Variants in TMEFF2 observed in about 807,000 individuals in gnomAD.
TMEFF2 encodes tomoregulin-2.
TMEFF2 carries 28 observed loss-of-function variants against 53.8 expected under a neutral mutation model. The ratio of observed to expected loss-of-function variants is 0.52; its 90% CI spans 0.39 to 0.71. The LOEUF (loss-of-function observed/expected upper bound fraction) is 0.71. Among genes scored for constraint, TMEFF2 ranks in the 30% least tolerant of loss-of-function variants. The pLI is 0.00. For synonymous variants in TMEFF2, 162 were observed against 166.3 expected, an observed-to-expected ratio of 0.97 and a Z score of 0.20; for missense variants, 353 against 455.2, an observed-to-expected ratio of 0.78 and a Z score of 2.04.
intron 5 of TMEFF2, among the ~76,000 whole-genome samples, chr2:192,055,092 C>T (rs781593380): frequency 6.6e-6 from 1 of 151,902 alleles, no homozygotes; most frequent in Non-Finnish European, 1.5e-5. Flanking sequence ...AAAAGTGAAA[C>T]AATTTATAAG....
intron 7 of TMEFF2, among the ~76,000 whole-genome samples, chr2:191,962,545 A>C (rs1692303649): frequency 6.6e-6 from 1 of 152,234 alleles, no homozygotes; most frequent in Non-Finnish European, 1.5e-5. Flanking sequence ...ATGCAACAAT[A>C]GTGGATGATT....
At position 192,193,757 on chromosome 2, in the gene TMEFF2, TAGATAGAGAGAGAGAGAGAGAG is replaced by T. The variant is rs1691525063; in HGVS notation, c.172+574_172+595del. Among the ~76,000 whole-genome samples the T allele has an allele frequency of 3.7e-4, 10 of 26,672 alleles. No homozygotes were observed. The South Asian group carries it at 0.017, about 45-fold the overall frequency. The allele number at this position is 26,672 out of a possible 152,430, so 17.5% of individuals were successfully genotyped here. On this transcript the variant is annotated intron_variant, in intron 1 of 9. Transcript: ENST00000272771. ...GGAATGAGAGAGAGAGAGAGATAGA[TAGATAGAGAGAGAGAGAGAGAG>T]AGAGAGAGAGAGAGAGAGAGAGAGA... is the stretch of plus-strand genomic sequence containing the variant.
At chr2:192,119,660 C>T (rs1244554681) in intron 4 of TMEFF2, among the ~76,000 whole-genome samples, 1 of 152,146 alleles carries the variant, frequency 6.6e-6, no homozygotes. Flanking sequence ...CAATACATCC[C>T]TCATAAATCT....
chr2:191,955,130 G>GT (rs1692027341), intron 8 of TMEFF2, among the ~76,000 whole-genome samples: 1 of 113,792 alleles, frequency 8.8e-6, no homozygotes, highest in African/African-American at 3.2e-5. Flanking sequence ...ACAGCTCTAG[G>GT]TGGGGGGCGG....
chr2:192,113,698 A>G (rs940511856), intron 4 of TMEFF2, among the ~76,000 whole-genome samples: 13 of 152,226 alleles, frequency 8.5e-5, no homozygotes, highest in Non-Finnish European at 1.8e-4. Context: ...ATAAGCTTAT[A>G]TATGAAAATA....
At chr2:192,039,144 C>T (rs1050342865) in intron 5 of TMEFF2, among the ~76,000 whole-genome samples, 11 of 151,742 alleles carry the variant, frequency 7.2e-5, no homozygotes, top group African/African-American at 2.2e-4. Flanking sequence ...AGGCAATAGA[C>T]GAATAACTGG....
intron 5 of TMEFF2, among the ~76,000 whole-genome samples, chr2:192,020,016 T>C (rs1041461246): frequency 6.6e-6 from 1 of 152,078 alleles, no homozygotes; most frequent in East Asian, 1.9e-4. Flanking sequence ...TAGGAAACCA[T>C]TCTGTTGGGA....
chr2:192,045,562 T>C (rs1456785255), intron 5 of TMEFF2, among the ~76,000 whole-genome samples: 1 of 152,244 alleles, frequency 6.6e-6, no homozygotes, highest in Admixed American at 6.5e-5. Flanking sequence ...ACTCAGCTTC[T>C]TTCTCCAGCC....
chr2:192,050,955 C>T (rs1009882951), intron 5 of TMEFF2, among the ~76,000 whole-genome samples: 2 of 152,094 alleles, frequency 1.3e-5, no homozygotes, highest in Non-Finnish European at 2.9e-5. Context: ...TGTATGTGCA[C>T]TCCCCACCCC....
rs1689038565 is a variant in TMEFF2 at position 192,101,866 on chromosome 2, A to C, written c.440-44091T>G. Among the ~76,000 whole-genome samples, 11 of 152,326 alleles carry C rather than the reference A, an allele frequency of 7.2e-5. No individual in the cohort carries two copies. In the South Asian group the frequency reaches 2.3e-3, roughly 32 times the overall value. ...GGGGACAGTCAGGTCCACAAAAACA[A>C]GTATGATGTTAACTCCGGTGACGAT... On this transcript the variant is annotated intron_variant, in intron 4 of 9. Coordinates refer to ENST00000272771, the MANE Select transcript of TMEFF2 (RefSeq NM_016192.4).
intron 4 of TMEFF2, among the ~76,000 whole-genome samples, chr2:192,094,190 G>A (rs146311435): frequency 6.6e-6 from 1 of 152,314 alleles, no homozygotes; most frequent in African/African-American, 2.4e-5. Flanking sequence ...TCTGGTTGAA[G>A]TTTTTGAGTC....
In TMEFF2 at chr2:191,964,258, TC is replaced by T. The variant is rs1692358001; in HGVS notation, c.746-7881del. Reference sequence around the variant, plus strand: ...CTTCCTTCCTTCCTTCCTTCCTTCCTCCTTTCTTTTCTTTTTTCTTTTCCTT... The same window carrying T: ...CTTCCTTCCTTCCTTCCTTCCTTCCTCTTTCTTTTCTTTTTTCTTTTCCTT... On this transcript the variant is annotated intron_variant, in intron 7 of 9. Transcript: ENST00000272771. Among the ~76,000 whole-genome samples, 4 of 4,494 alleles carry T rather than the reference TC, an allele frequency of 8.9e-4. No homozygotes were observed. The Admixed American group carries it at 0.014, about 16-fold the overall frequency. 2.9% of individuals were successfully genotyped at this position (4,494 alleles called of 152,430 possible).
intron 4 of TMEFF2, among the ~76,000 whole-genome samples, chr2:192,082,919 C>T (rs532517719): frequency 3.6e-4 from 54 of 149,406 alleles, no homozygotes; most frequent in Non-Finnish European, 5.8e-4. Context: ...AAGTTTCCTG[C>T]GTTTGGAATG....
At chr2:192,062,027 C>G (rs909923026) in intron 4 of TMEFF2, among the ~76,000 whole-genome samples, 2 of 152,030 alleles carry the variant, frequency 1.3e-5, no homozygotes, top group African/African-American at 2.4e-5. Flanking sequence ...ATTATCCAGC[C>G]TTAGGTATTC....
intron 9 of TMEFF2, 56 bp downstream of exon 9, chr2:191,953,623 T>C (rs879174260): frequency 1.9e-6 from 3 of 1,580,318 alleles, no homozygotes; most frequent in South Asian, 2.3e-5. Context: ...TCTGATTAAA[T>C]AAAAGAGTAA....
intron 4 of TMEFF2, among the ~76,000 whole-genome samples, chr2:192,126,173 G>A (rs1410638204): frequency 3.3e-5 from 5 of 152,070 alleles, no homozygotes; most frequent in African/African-American, 4.8e-5. Context: ...AAAATAATAC[G>A]CACCATGAAT....
At chr2:192,074,971 GATAA>G (rs1056918342) in intron 4 of TMEFF2, among the ~76,000 whole-genome samples, 7 of 151,142 alleles carry the variant, frequency 4.6e-5, no homozygotes, top group South Asian at 2.1e-4. Context: ...TATTTCTCTT[GATAA>G]ATAAACAAAC....
At chr2:192,072,089 A>G (rs1429926002) in intron 4 of TMEFF2, among the ~76,000 whole-genome samples, 1 of 151,940 alleles carries the variant, frequency 6.6e-6, no homozygotes, top group Non-Finnish European at 1.5e-5. Context: ...ATAGTCTGCT[A>G]GCCTTATACG....
At chr2:191,990,167 GT>G (rs576312902) in intron 7 of TMEFF2, among the ~76,000 whole-genome samples, 147 of 152,240 alleles carry the variant, frequency 9.7e-4, no homozygotes, top group African/African-American at 3.4e-3. Flanking sequence ...GTAAAAGTGT[GT>G]TTTCTGAATG....
Sources: allele counts gnomAD v4.1 joint callset (sites outside exome capture counted in the v4.1 genomes callset), GRCh38; gene constraint gnomAD v4.1.1; transcripts MANE v1.5; gene names NCBI Gene and HGNC (gene_info 2026-07-23, HGNC 2026-07-21).